Variants in USP3 observed in about 807,000 individuals in gnomAD.
The protein encoded by USP3 is ubiquitin carboxyl-terminal hydrolase 3.
A neutral mutation model predicts 72.3 loss-of-function variants in USP3; 20 were observed. That is an observed-to-expected ratio of 0.28 (90% CI 0.19 to 0.40). USP3 has a LOEUF of 0.40. Among genes scored for constraint, USP3 ranks in the 10% least tolerant of loss-of-function variants. The pLI, the probability that USP3 is intolerant of heterozygous loss-of-function variation, is 1.00. For synonymous variants in USP3, 222 were observed against 225.3 expected, an observed-to-expected ratio of 0.99 and a Z score of 0.13; for missense variants, 479 against 633.9, an observed-to-expected ratio of 0.76 and a Z score of 2.62.
At chr15:63,584,128 C>T (rs530632471) in intron 11 of USP3, among the ~76,000 whole-genome samples, 47 of 131,612 alleles carry the variant, frequency 3.6e-4, no homozygotes, top group South Asian at 7.6e-4. Context: ...GATGGAGTCT[C>T]GCTCTGTCGC....
chr15:63,524,624 C>T (rs1427951506), intron 1 of USP3, among the ~76,000 whole-genome samples: 1 of 152,138 alleles, frequency 6.6e-6, no homozygotes, highest in Admixed American at 6.5e-5. Flanking sequence ...TCTTAACTCA[C>T]CTGTCTGGTA....
Position 63,570,614 on chromosome 15 carries a change from C to A in USP3, c.908+35C>A. 3.2e-6 allele frequency: 5 copies of A among 1,575,760 alleles called. No homozygotes were observed. The highest frequency in any genetic ancestry group is 3.4e-6 in the Non-Finnish European group (4 of 1,161,860). ...AGTTGCCTTCTGTTTTTTAGGAGGG[C>A]CTCAGACATTTCTTTTGGTGTTAAT... On this transcript the variant is annotated intron_variant, in intron 9 of 14. Coordinates refer to ENST00000380324, the MANE Select transcript of USP3 (RefSeq NM_006537.4). This position sits in a 1 kb window ranked among gnomAD's most constrained non-coding sequence, Gnocchi z 4.4.
In USP3 at chr15:63,553,798, A is replaced by T; in HGVS notation, c.368A>T (p.Asn123Ile). 6.2e-7 allele frequency: 1 copy of T among 1,612,220 alleles called. No individual in the cohort carries two copies. The highest frequency in any genetic ancestry group is 8.5e-7 in the Non-Finnish European group (1 of 1,179,006). ...KVREHLQNLE[N>I]SAFTADRHKK... is the part of the protein sequence containing the mutation. ...AGAGAACACTTACAGAACTTGGAAA[A>T]GTAAGTAATAGGCCTTTGGAAAAAG... Residue 123 changes from asparagine (N) to isoleucine (I), a missense_variant and splice_region_variant, in exon 4 of 15, where the codon AAC (asparagine) becomes ATC (isoleucine). Physicochemically the swap from Asn to Ile is moderately radical, Grantham distance 149 (BLOSUM62 -3). Coordinates refer to ENST00000380324, the MANE Select transcript of USP3 (RefSeq NM_006537.4). This position sits in a 1 kb window ranked among gnomAD's most constrained non-coding sequence, Gnocchi z 4.2.
intron 1 of USP3, chr15:63,527,926 G>C (rs1361095023): frequency 6.6e-6 from 1 of 152,242 alleles, no homozygotes; most frequent in Non-Finnish European, 1.5e-5. Context: ...ATGTTTTAGA[G>C]GCTGGGGCTC....
Position 63,594,326 on chromosome 15 carries a change from G to A in USP3, c.*3500G>A, listed in dbSNP as rs1483208319. 2.6e-5 allele frequency: 4 copies of A among 152,374 alleles called. No individual in the cohort carries two copies. Among genetic ancestry groups the A allele is most frequent in the African/African-American group, 9.6e-5 (4 of 41,580 alleles). The allele number at this position is 152,374 out of a possible 1,614,324, so 9.4% of individuals were successfully genotyped here. On this transcript the variant is annotated 3_prime_UTR_variant, in exon 15 of 15. Coordinates refer to ENST00000380324, the MANE Select transcript of USP3 (RefSeq NM_006537.4). ...CCAAGGCCTGGGTCCCAGGTGACTA[G>A]GAGTAGCCATAGGAAGGTGAGGAAG...
intron 1 of USP3, among the ~76,000 whole-genome samples, chr15:63,508,753 C>T (rs1264782306): frequency 6.6e-6 from 1 of 152,098 alleles, no homozygotes; most frequent in South Asian, 2.1e-4. Flanking sequence ...AAGCCAAGGA[C>T]CAAGCATTTG....
Position 63,589,093 on chromosome 15 carries a change from A to G in USP3, c.1397+82A>G. ...CCTGCAGTTTTGTACCACTCTTGCT[A>G]GTTCTTCCTAAAAAATGGATTCAGA... is the stretch of plus-strand genomic sequence containing the variant. On this transcript the variant is annotated intron_variant, in intron 14 of 14. Transcript: ENST00000380324. The G allele has an allele frequency of 2.7e-6, 4 of 1,487,456 alleles. No individual in the cohort carries two copies. The South Asian group carries it at 3.5e-5, about 13-fold the overall frequency. 92.1% of individuals were successfully genotyped at this position (1,487,456 alleles called of 1,614,324 possible).
At chr15:63,542,308 T>A in intron 3 of USP3, 6 of 530,702 alleles carry the variant, frequency 1.1e-5, no homozygotes, top group Non-Finnish European at 1.2e-5. Flanking sequence ...AATTAATATT[T>A]AAATAGCACC....
At chr15:63,547,888 G>GAGAGGCAT (rs1555446527) in intron 3 of USP3, among the ~76,000 whole-genome samples, 2,347 of 73,292 alleles carry the variant, frequency 0.032, 378 homozygotes, top group African/African-American at 0.097. Flanking sequence ...GAGAGAGAGA[G>GAGAGGCAT]AGAGAGAGGC....
chr15:63,565,149 C>G (rs961887134), intron 8 of USP3, among the ~76,000 whole-genome samples: 3 of 152,120 alleles, frequency 2.0e-5, no homozygotes, highest in African/African-American at 7.2e-5. Context: ...TATGAGGACT[C>G]TGAAATACAA....
chr15:63,571,428 A>AC (rs1412380275), intron 9 of USP3, among the ~76,000 whole-genome samples: 3 of 152,212 alleles, frequency 2.0e-5, no homozygotes, highest in African/African-American at 7.2e-5. Flanking sequence ...GAAAAGGGCA[A>AC]CCAATGTGAA....
chr15:63,519,138 A>G (rs1283323657), intron 1 of USP3, among the ~76,000 whole-genome samples: 1 of 152,180 alleles, frequency 6.6e-6, no homozygotes, highest in South Asian at 2.1e-4. Flanking sequence ...GCTGTTACCT[A>G]ATGCACATTC....
At chr15:63,505,009 C>G (rs989448567) in intron 1 of USP3, among the ~76,000 whole-genome samples, 179 bp downstream of exon 1, 1 of 150,410 alleles carries the variant, frequency 6.6e-6, no homozygotes, top group African/African-American at 2.4e-5. Flanking sequence ...GGCGGCGGCT[C>G]CTTTGTTTCC....
In USP3 at chr15:63,574,551, A is replaced by C. The variant is rs944736880; in HGVS notation, c.1096+148A>C. 36 of 541,904 alleles carry C rather than the reference A, an allele frequency of 6.6e-5. No homozygotes were observed. The South Asian group carries it at 1.3e-3, about 20-fold the overall frequency. 33.6% of individuals were successfully genotyped at this position (541,904 alleles called of 1,614,324 possible). On this transcript the variant is annotated intron_variant, in intron 11 of 14. Transcript: ENST00000380324. This position sits in a 1 kb window ranked among gnomAD's most constrained non-coding sequence, Gnocchi z 4.6. The stretch of plus-strand genomic sequence containing the variant: ...AAGTCAAACTTGAATGTCTTTTCCT[A>C]CTCCCCAAAATGTTATTGAATAAGA...
chr15:63,588,899 G>T lies in USP3; in HGVS notation c.1330-45G>T. ...ACATGGAGAGGGTAGAGGTCATCGA[G>T]ATACTGATGTCATTGACCACTGCTC... On this transcript the variant is annotated intron_variant, in intron 13 of 14. Transcript: ENST00000380324. The surrounding 1 kb of genome is among the most constrained non-coding windows in gnomAD (Gnocchi z 4.6). The T allele has an allele frequency of 5.0e-6, 8 of 1,611,886 alleles. No individual in the cohort carries two copies. The highest frequency in any genetic ancestry group is 6.8e-6 in the Non-Finnish European group (8 of 1,177,926).
intron 8 of USP3, among the ~76,000 whole-genome samples, chr15:63,563,996 C>T (rs966096540): frequency 3.3e-5 from 5 of 152,122 alleles, no homozygotes; most frequent in African/African-American, 1.2e-4. Flanking sequence ...TTTAAATCTC[C>T]TGTCAGGAAA....
intron 3 of USP3, among the ~76,000 whole-genome samples, chr15:63,537,890 G>T (rs1489819140): frequency 3.3e-5 from 5 of 151,940 alleles, no homozygotes; most frequent in African/African-American, 4.8e-5. Flanking sequence ...TCACCATGTT[G>T]GTCAGGTTGG....
intron 11 of USP3, among the ~76,000 whole-genome samples, chr15:63,576,264 G>T (rs1483927150): frequency 1.3e-5 from 2 of 152,158 alleles, no homozygotes; most frequent in Non-Finnish European, 2.9e-5. Flanking sequence ...TGGGATTACA[G>T]GCATGAGCCA....
At chr15:63,559,111 C>T (rs984335258) in intron 6 of USP3, among the ~76,000 whole-genome samples, 2 of 151,758 alleles carry the variant, frequency 1.3e-5, no homozygotes, top group African/African-American at 4.9e-5. Flanking sequence ...GTGATGACCT[C>T]GATCAGTAAG....
Sources: gnomAD v4.1 joint callset for allele counts (sites outside exome capture counted in the v4.1 genomes callset) on GRCh38, gnomAD v4.1.1 for gene constraint, Gnocchi (gnomAD v3.1) non-coding constraint, MANE v1.5 for transcripts, NCBI Gene and HGNC (gene_info 2026-07-23, HGNC 2026-07-21) for gene names.